Variants in SMIM35 observed in about 807,000 individuals in gnomAD.
The protein encoded by SMIM35 is TMPRSS4 antisense RNA 1 (non-protein coding).
At chr11:118,007,015 C>A (rs950773447) in intron 4 of SMIM35, among the ~76,000 whole-genome samples, 1 of 152,174 alleles carries the variant, frequency 6.6e-6, no homozygotes, top group Non-Finnish European at 1.5e-5. Context: ...AGACATGATC[C>A]TTCTCCTTCT....
At chr11:118,007,915 G>A (rs1475679398) in intron 4 of SMIM35, among the ~76,000 whole-genome samples, 4 of 151,398 alleles carry the variant, frequency 2.6e-5, no homozygotes, top group East Asian at 3.9e-4. Flanking sequence ...CTGTCTCCAG[G>A]CTGGAGTCCA....
At chr11:118,042,453 T>A (rs1473891256) in intron 1 of SMIM35, among the ~76,000 whole-genome samples, 3 of 152,110 alleles carry the variant, frequency 2.0e-5, no homozygotes, top group Non-Finnish European at 2.9e-5. Context: ...ATAAAGAGGC[T>A]GAACTAGCAA....
At position 118,003,646 on chromosome 11, in the gene SMIM35, C is replaced by T. The variant is rs1194393835; in HGVS notation, c.*2764G>A. ...GGAGGCAAAGAGACCTGGCTGGAGA[C>T]TTTTATTGTAGTCAGCATTTCATTT... is the stretch of plus-strand genomic sequence containing the variant. On this transcript the variant is annotated 3_prime_UTR_variant, in exon 5 of 5. Coordinates refer to ENST00000689828, the MANE Select transcript of SMIM35 (RefSeq NM_001394165.1). 1.3e-5 allele frequency: 2 copies of T among 151,968 alleles called. No homozygotes were observed. The highest frequency in any genetic ancestry group is 4.8e-5 in the African/African-American group (2 of 41,262). The allele number at this position is 151,968 out of a possible 1,614,324, so 9.4% of individuals were successfully genotyped here.
chr11:118,049,817 C>T (rs1944180478), intron 1 of SMIM35, among the ~76,000 whole-genome samples: 1 of 152,118 alleles, frequency 6.6e-6, no homozygotes, highest in Admixed American at 6.5e-5. Flanking sequence ...GGTAAGTCCA[C>T]GTTCCTCACT....
At chr11:118,033,000 A>C (rs970626186) in intron 1 of SMIM35, among the ~76,000 whole-genome samples, 3 of 152,232 alleles carry the variant, frequency 2.0e-5, no homozygotes, top group Admixed American at 2.0e-4. Context: ...TCAAAAAACT[A>C]ATACATAATA....
intron 1 of SMIM35, among the ~76,000 whole-genome samples, chr11:118,032,121 T>C (rs2058325059): frequency 6.6e-6 from 1 of 152,134 alleles, no homozygotes; most frequent in Non-Finnish European, 1.5e-5. Context: ...ATAAAGATCA[T>C]TCAAGAGAAG....
chr11:118,061,210 G>A (rs1024918361), intron 1 of SMIM35, among the ~76,000 whole-genome samples: 2 of 152,198 alleles, frequency 1.3e-5, no homozygotes, highest in Non-Finnish European at 2.9e-5. Context: ...TTTCAACCCC[G>A]CCTCTTCCAA....
chr11:118,081,984 A>G (rs2135223387), intron 1 of SMIM35, among the ~76,000 whole-genome samples: 1 of 152,296 alleles, frequency 6.6e-6, no homozygotes, highest in East Asian at 1.9e-4. Context: ...AGCCAAGGTC[A>G]GCCCCCTCAC....
At chr11:118,023,915 A>C (rs909789930) in intron 1 of SMIM35, among the ~76,000 whole-genome samples, 7 of 151,908 alleles carry the variant, frequency 4.6e-5, no homozygotes, top group African/African-American at 1.7e-4. Flanking sequence ...TGTGCCTGTA[A>C]TACCAGCAAC....
intron 1 of SMIM35, among the ~76,000 whole-genome samples, chr11:118,026,834 T>C (rs7125929): frequency 0.035 from 5,300 of 152,054 alleles, 281 homozygotes; most frequent in African/African-American, 0.12. Context: ...AAAATGCAGG[T>C]CTTATATAAG....
chr11:118,054,688 C>T (rs1944282901), intron 1 of SMIM35, among the ~76,000 whole-genome samples: 1 of 152,034 alleles, frequency 6.6e-6, no homozygotes, highest in Non-Finnish European at 1.5e-5. Context: ...GTGTAATGTA[C>T]ACTATAAAGT....
At position 118,031,218 on chromosome 11, in the gene SMIM35, G is replaced by A. The variant is rs575611198; in HGVS notation, c.8-15409C>T. On this transcript the variant is annotated intron_variant, in intron 1 of 4. Transcript: ENST00000689828. ...TACACATATAAATAGATATAGAAAC[G>A]GACATAGACCTGTATGGATGTATGT... Among the ~76,000 whole-genome samples, 25 of 152,200 alleles carry A rather than the reference G, an allele frequency of 1.6e-4. 1 individual carries two copies. Among genetic ancestry groups the A allele is most frequent in the Admixed American group, 9.2e-4 (14 of 15,298 alleles).
chr11:118,044,796 T>A (rs1944069133), intron 1 of SMIM35, among the ~76,000 whole-genome samples: 1 of 60,014 alleles, frequency 1.7e-5, no homozygotes, highest in African/African-American at 5.4e-5. Context: ...AAAAGTTCAT[T>A]CTACTAAAAA....
chr11:118,077,269 G>A lies in SMIM35; in HGVS notation c.7+9482C>T, dbSNP rs752724611. The A allele has an allele frequency of 2.5e-6, 4 of 1,597,018 alleles. 1 individual carries two copies. The South Asian group carries it at 4.6e-5, about 18-fold the overall frequency. ...CTTGGGGTGACAATCTCAGCTCCAG[G>A]CTACAGGGAGACCGGGAGGATCACA... On this transcript the variant is annotated intron_variant, in intron 1 of 4. Transcript: ENST00000689828.
At chr11:118,013,940 C>G (rs1353375757) in intron 3 of SMIM35, 60 bp from the exon 4 acceptor site, 1 of 398,518 alleles carries the variant, frequency 2.5e-6, no homozygotes, top group Non-Finnish European at 4.4e-6. Flanking sequence ...CCCTGGGTCC[C>G]CATCTCCCTT....
At chr11:118,074,451 G>A (rs892695807) in intron 1 of SMIM35, among the ~76,000 whole-genome samples, 10 of 152,142 alleles carry the variant, frequency 6.6e-5, no homozygotes, top group Non-Finnish European at 1.2e-4. Flanking sequence ...TCCTCCGGGA[G>A]AATGGGGGTT....
intron 1 of SMIM35, chr11:118,031,782 T>C (rs944926014): frequency 2.0e-5 from 3 of 150,786 alleles, no homozygotes; most frequent in African/African-American, 7.3e-5. Flanking sequence ...GTGACCAGAG[T>C]GAGCTTCATC....
In SMIM35 at chr11:118,066,824, T is replaced by TA. The variant is rs35584570; in HGVS notation, c.7+19926dup. 3.8e-4 allele frequency among the ~76,000 whole-genome samples: 56 copies of TA among 147,076 alleles called. 1 individual carries two copies. Among genetic ancestry groups the TA allele is most frequent in the African/African-American group, 1.1e-3 (45 of 40,010 alleles). On this transcript the variant is annotated intron_variant, in intron 1 of 4. Transcript: ENST00000689828. ...TGGGTGACAGAGTGAGACCTTGACT[T>TA]AAAAAAAAAAAAATCAAAACATTAT...
intron 1 of SMIM35, chr11:118,077,318 C>T: frequency 1.9e-6 from 3 of 1,596,622 alleles, no homozygotes; most frequent in Non-Finnish European, 2.6e-6. Flanking sequence ...GAGTGTGGGG[C>T]CCTCTGCTCC....
Sources: allele counts gnomAD v4.1 joint callset (sites outside exome capture counted in the v4.1 genomes callset), GRCh38; gene constraint gnomAD v4.1.1; transcripts MANE v1.5; gene names NCBI Gene and HGNC (gene_info 2026-07-23, HGNC 2026-07-21).